MAPK6: variants seen among roughly 807,000 people sequenced by gnomAD.
MAPK6 encodes the protein ERK-3.
MAPK6 carries 19 observed loss-of-function variants against 59.3 expected under a neutral mutation model. That is an observed-to-expected ratio of 0.32 (90% CI 0.22 to 0.47). The LOEUF (loss-of-function observed/expected upper bound fraction) is 0.47. MAPK6 is among the 20% of genes least tolerant of loss of function. MAPK6 has a pLI of 1.00. For missense variants in MAPK6, 724 were observed against 847.9 expected (o/e 0.85, Z 1.81); for synonymous variants, 316 against 290.3 (o/e 1.09, Z -0.90).
intron 2 of MAPK6, among the ~76,000 whole-genome samples, chr15:51,995,544 T>C (rs2057221807): frequency 6.6e-6 from 1 of 152,160 alleles, no homozygotes; most frequent in Non-Finnish European, 1.5e-5. Flanking sequence ...GATAGGCCTC[T>C]CTCCCTGGGG....
chr15:52,062,315 C>T (rs1399423539), intron 5 of MAPK6, among the ~76,000 whole-genome samples: 1 of 151,960 alleles, frequency 6.6e-6, no homozygotes, highest in Non-Finnish European at 1.5e-5. Context: ...GCGTGAACCA[C>T]CGTACTCAGC....
rs113453051 is a variant in MAPK6, at chr15:52,032,642, T to C, written c.-631-13188T>C. Reference sequence around the variant, plus strand: ...CTTTTAGCATTTCTTGAAGTGAAAGTCTGCTGGAGACAGATTTCTATCCAG... The same window carrying C: ...CTTTTAGCATTTCTTGAAGTGAAAGCCTGCTGGAGACAGATTTCTATCCAG... On this transcript the variant is annotated intron_variant, in intron 1 of 5. Transcript: ENST00000261845. Among the ~76,000 whole-genome samples the C allele has an allele frequency of 1.7e-3, 266 of 152,318 alleles. 3 individuals carry two copies. The highest frequency in any genetic ancestry group is 5.7e-3 in the African/African-American group (237 of 41,580).
chr15:52,008,411 C>T (rs2029964034), intron 3 of MAPK6, among the ~76,000 whole-genome samples: 1 of 152,224 alleles, frequency 6.6e-6, no homozygotes, highest in South Asian at 2.1e-4. Context: ...CTTACTCAGC[C>T]GTAGACAAAA....
rs1416723025 is a variant in MAPK6, at chr15:52,066,841, A to T, written c.*1841A>T. The T allele has an allele frequency of 3.3e-5, 5 of 150,998 alleles. No homozygotes were observed. Among genetic ancestry groups the T allele is most frequent in the Admixed American group, 6.6e-5 (1 of 15,116 alleles). 9.4% of individuals were successfully genotyped at this position (150,998 alleles called of 1,614,324 possible). On this transcript the variant is annotated 3_prime_UTR_variant, in exon 6 of 6. Transcript: ENST00000261845. ...TCTGGTTGAATACTGTCACGTTATT[A>T]ATTTAAACATACTCAAATTACCTTA...
At chr15:52,007,318 G>A (rs2029922148) in intron 3 of MAPK6, among the ~76,000 whole-genome samples, 1 of 151,990 alleles carries the variant, frequency 6.6e-6, no homozygotes, top group South Asian at 2.1e-4. Context: ...CTTCTTCAGG[G>A]CTATCTTCTG....
intron 1 of MAPK6, among the ~76,000 whole-genome samples, chr15:52,037,921 A>G (rs796317056): frequency 2.4e-4 from 37 of 152,284 alleles, no homozygotes; most frequent in African/African-American, 8.9e-4. Context: ...TTAGTCCCAA[A>G]CCTTTTATCA....
intron 3 of MAPK6, among the ~76,000 whole-genome samples, chr15:52,012,434 G>A (rs553865454): frequency 7.2e-5 from 11 of 152,090 alleles, no homozygotes; most frequent in East Asian, 3.9e-4. Context: ...ATTTTGTTAC[G>A]TTTTTTTGGC....
At chr15:52,048,338 G>T (rs1394655047) in intron 2 of MAPK6, among the ~76,000 whole-genome samples, 1 of 152,050 alleles carries the variant, frequency 6.6e-6, no homozygotes, top group Non-Finnish European at 1.5e-5. Context: ...TTTTACTTGG[G>T]CCAGGTACAG....
chr15:52,014,221 A>G (rs992080750), upstream of MAPK6, among the ~76,000 whole-genome samples: 1 of 152,074 alleles, frequency 6.6e-6, no homozygotes, highest in Non-Finnish European at 1.5e-5. Context: ...GCACTCATCT[A>G]TCTCTCGCTG....
chr15:52,053,442 T>C (rs765994694), intron 3 of MAPK6, among the ~76,000 whole-genome samples: 1 of 152,210 alleles, frequency 6.6e-6, no homozygotes, highest in African/African-American at 2.4e-5. Flanking sequence ...CCAGATCTAT[T>C]GCCCATTTTT....
chr15:51,978,420 C>T (rs1175021018), intron 1 of MAPK6, among the ~76,000 whole-genome samples: 1 of 151,972 alleles, frequency 6.6e-6, no homozygotes, highest in African/African-American at 2.4e-5. Flanking sequence ...AGGCGTGAGC[C>T]ACCATGCCCA....
chr15:52,032,618 T>G (rs932499216), intron 1 of MAPK6, among the ~76,000 whole-genome samples: 1 of 152,232 alleles, frequency 6.6e-6, no homozygotes, highest in African/African-American at 2.4e-5. Flanking sequence ...AAAAGACTTC[T>G]TTTAGCATTT....
At chr15:52,051,182 C>T (rs746610144) in intron 3 of MAPK6, among the ~76,000 whole-genome samples, 11 of 152,084 alleles carry the variant, frequency 7.2e-5, no homozygotes, top group South Asian at 2.1e-4. Flanking sequence ...CTCAGCCTCC[C>T]GAGTAGCTGG....
At chr15:52,016,107 C>CACACACACACACAAA (rs1267339787), upstream of MAPK6, among the ~76,000 whole-genome samples, 3 of 136,206 alleles carry the variant, frequency 2.2e-5, no homozygotes, top group Non-Finnish European at 3.1e-5. Flanking sequence ...CACACACACA[C>CACACACACACACAAA]AAACTAAAAC....
At chr15:52,034,753 A>G (rs916924167) in intron 1 of MAPK6, among the ~76,000 whole-genome samples, 55 of 152,120 alleles carry the variant, frequency 3.6e-4, no homozygotes, top group African/African-American at 1.3e-3. Flanking sequence ...GCTGGAGTGC[A>G]GTGGTGTGAT....
chr15:51,975,114 A>G (rs2057153622), intron 1 of MAPK6, among the ~76,000 whole-genome samples: 2 of 151,920 alleles, frequency 1.3e-5, no homozygotes, highest in Admixed American at 1.3e-4. Flanking sequence ...CTGCTTTCAT[A>G]AGGTGAAGCT....
chr15:52,001,907 T>A (rs2057243174), intron 2 of MAPK6, among the ~76,000 whole-genome samples: 1 of 152,122 alleles, frequency 6.6e-6, no homozygotes, highest in African/African-American at 2.4e-5. Context: ...TCAACCCAGA[T>A]GTCCCTGTCC....
chr15:51,981,049 T>C (rs528926604), intron 1 of MAPK6, among the ~76,000 whole-genome samples: 2 of 151,978 alleles, frequency 1.3e-5, no homozygotes, highest in East Asian at 3.9e-4. Flanking sequence ...CCACCATTAA[T>C]CTAACTTGCT....
At chr15:52,048,428 GA>G (rs2031665295) in intron 2 of MAPK6, among the ~76,000 whole-genome samples, 1 of 152,046 alleles carries the variant, frequency 6.6e-6, no homozygotes, top group African/African-American at 2.4e-5. Context: ...AGACCAGCCT[GA>G]CAACATGGTG....
Sources: allele counts gnomAD v4.1 joint callset (sites outside exome capture counted in the v4.1 genomes callset), GRCh38; gene constraint gnomAD v4.1.1; transcripts MANE v1.5; gene names NCBI Gene and HGNC (gene_info 2026-07-23, HGNC 2026-07-21).